Variants in PCDHA4 observed in about 807,000 individuals in gnomAD.
PCDHA4 encodes protocadherin alpha-4.
Under a neutral mutation model 61.4 loss-of-function variants are expected in PCDHA4, and 49 were observed. That is an observed-to-expected ratio of 0.80 (90% confidence interval 0.63 to 1.01). PCDHA4 has a LOEUF of 1.01. Among genes scored for constraint, PCDHA4 ranks in the 50% least tolerant of loss-of-function variants. PCDHA4 has a pLI of 0.00. For synonymous variants in PCDHA4, 590 were observed against 550.3 expected (o/e 1.07, Z -1.01); for missense variants, 1,254 against 1,235.8 (o/e 1.01, Z -0.22).
chr5:140,847,732 A>G (rs1781156684), intron 1 of PCDHA4: 1 of 149,812 alleles, frequency 6.7e-6, no homozygotes, highest in Admixed American at 6.7e-5. Flanking sequence ...AGAGAAAAAT[A>G]TATTTTCTCC....
intron 1 of PCDHA4, among the ~76,000 whole-genome samples, chr5:140,961,208 A>T (rs1268712075): frequency 1.3e-5 from 2 of 152,164 alleles, no homozygotes; most frequent in African/African-American, 4.8e-5. Flanking sequence ...GTTGGTATTG[A>T]TGAAGAAACT....
At chr5:141,006,634 A>G (rs1324728437) in intron 3 of PCDHA4, among the ~76,000 whole-genome samples, 4 of 152,220 alleles carry the variant, frequency 2.6e-5, no homozygotes, top group Non-Finnish European at 5.9e-5. Flanking sequence ...GCTGCAATTC[A>G]TATAAGAGAT....
intron 1 of PCDHA4, chr5:140,968,772 C>T (rs782257554): frequency 1.2e-6 from 2 of 1,614,180 alleles, no homozygotes; most frequent in South Asian, 1.1e-5. Context: ...GGAGAGCCAT[C>T]ACTATCAGCC....
chr5:140,894,892 G>T (rs941698896), intron 1 of PCDHA4, among the ~76,000 whole-genome samples: 8 of 152,060 alleles, frequency 5.3e-5, no homozygotes, highest in Non-Finnish European at 1.0e-4. Flanking sequence ...AACAGACCAG[G>T]ATAATTTTCC....
chr5:140,848,093 T>G, intron 1 of PCDHA4: 1 of 167,516 alleles, frequency 6.0e-6, no homozygotes, highest in South Asian at 1.6e-4. Context: ...AAGTGGAGAG[T>G]TTTCTCAGGG....
At position 140,885,311 on chromosome 5, in the gene PCDHA4, T is replaced by C. The variant is rs3776122; in HGVS notation, c.2385+75739T>C. On this transcript the variant is annotated intron_variant, in intron 1 of 3. Transcript: ENST00000530339. Reference sequence around the variant, plus strand: ...AGAGAGAGACCTGGTAGGCTTTTTGTTATTATTTCTTTTCCAAAGTTTGAA... The same window carrying C: ...AGAGAGAGACCTGGTAGGCTTTTTGCTATTATTTCTTTTCCAAAGTTTGAA... Among the ~76,000 whole-genome samples, 52 of 152,304 alleles carry C rather than the reference T, an allele frequency of 3.4e-4. No individual in the cohort carries two copies. In the East Asian group the frequency reaches 7.5e-3, roughly 22 times the overall value.
At chr5:140,883,402 C>G (rs2153393597) in intron 1 of PCDHA4, 1 of 1,614,192 alleles carries the variant, frequency 6.2e-7, no homozygotes, top group Middle Eastern at 1.6e-4. Context: ...CCGATCGTGA[C>G]TCTGGCTCAA....
In PCDHA4 at chr5:140,869,324, T is replaced by C. The variant is rs1581884799; in HGVS notation, c.2385+59752T>C. 1.9e-6 allele frequency: 3 copies of C among 1,613,876 alleles called. No individual in the cohort carries two copies. In the East Asian group the frequency reaches 6.7e-5, roughly 36 times the overall value. On this transcript the variant is annotated intron_variant, in intron 1 of 3. Coordinates refer to ENST00000530339, the MANE Select transcript of PCDHA4 (RefSeq NM_018907.4). Reference sequence around the variant, plus strand: ...GTGGCGTCCAAAACACATGGGGACCTTCTGGAGGTAAATCTGCAGAATGGC... The same window carrying C: ...GTGGCGTCCAAAACACATGGGGACCCTCTGGAGGTAAATCTGCAGAATGGC...
intron 1 of PCDHA4, among the ~76,000 whole-genome samples, chr5:140,941,263 T>TTC (rs2092992439): frequency 7.5e-6 from 1 of 133,334 alleles, no homozygotes; most frequent in Non-Finnish European, 1.6e-5. Flanking sequence ...TTCTCTTTCT[T>TTC]TCTTTCTTTC....
chr5:140,897,677 G>T (rs1390475923), intron 1 of PCDHA4, among the ~76,000 whole-genome samples: 1 of 152,168 alleles, frequency 6.6e-6, no homozygotes, highest in African/African-American at 2.4e-5. Flanking sequence ...ATAGCAGCAT[G>T]ATTTATAGTC....
chr5:140,910,324 T>C (rs2074979860), intron 1 of PCDHA4, among the ~76,000 whole-genome samples: 3 of 152,220 alleles, frequency 2.0e-5, no homozygotes, highest in Non-Finnish European at 4.4e-5. Flanking sequence ...AGTCAGACTA[T>C]TGTGATTGCT....
At chr5:140,943,321 G>C (rs1012061757) in intron 1 of PCDHA4, among the ~76,000 whole-genome samples, 3 of 150,454 alleles carry the variant, frequency 2.0e-5, no homozygotes, top group Non-Finnish European at 4.4e-5. Flanking sequence ...TAGCAATATT[G>C]TGTAGTATCC....
chr5:141,005,701 C>CAAAA (rs59860837), intron 3 of PCDHA4, among the ~76,000 whole-genome samples: 118 of 7,756 alleles, frequency 0.015, 2 homozygotes, highest in East Asian at 0.044. Flanking sequence ...AACTCCGTCT[C>CAAAA]AAAAAAAAAA....
chr5:140,858,585 T>C, intron 1 of PCDHA4: 1 of 1,345,266 alleles, frequency 7.4e-7, no homozygotes, highest in Non-Finnish European at 1.0e-6. Context: ...GTAATATAAT[T>C]TATTCCAGGA....
intron 1 of PCDHA4, among the ~76,000 whole-genome samples, chr5:140,874,847 A>AT (rs1459176801): frequency 6.6e-6 from 1 of 152,242 alleles, no homozygotes; most frequent in Non-Finnish European, 1.5e-5. Context: ...TATTAGACAT[A>AT]TTTTAGTTTC....
chr5:140,863,505 C>A, intron 1 of PCDHA4: 1 of 421,530 alleles, frequency 2.4e-6, no homozygotes. Flanking sequence ...GGCTTTTAGT[C>A]CTAGTGTTCT....
chr5:140,969,305 A>C (rs1481597194), intron 1 of PCDHA4: 1 of 1,614,206 alleles, frequency 6.2e-7, no homozygotes, highest in East Asian at 2.2e-5. Flanking sequence ...GATTATTCTC[A>C]AAAATGAGGC....
chr5:140,809,056 C>A lies in PCDHA4; in HGVS notation c.1869C>A (p.Arg623=), dbSNP rs782158159. 1.2e-6 allele frequency: 2 copies of A among 1,613,762 alleles called. No individual in the cohort carries two copies. The highest frequency in any genetic ancestry group is 1.7e-6 in the Non-Finnish European group (2 of 1,179,890). The stretch of plus-strand genomic sequence containing the variant: ...CTGGTGGCGCGCGCATCCCGTTCCG[C>A]GTGGGGCTGTACACTGGCGAGATCA... ...PGTGGARIPF[R]VGLYTGEIST... The change falls in exon 1 of 4, where the codon CGC becomes CGA. Residue 623 remains arginine (R), a synonymous_variant. Coordinates refer to ENST00000530339, the MANE Select transcript of PCDHA4 (RefSeq NM_018907.4).
At chr5:140,817,887 CA>C (rs1647110871) in intron 1 of PCDHA4, among the ~76,000 whole-genome samples, 1 of 152,074 alleles carries the variant, frequency 6.6e-6, no homozygotes, top group Non-Finnish European at 1.5e-5. Context: ...TTATTTTTGC[CA>C]GCACTTTTAA....
Sources: allele counts gnomAD v4.1 joint callset (sites outside exome capture counted in the v4.1 genomes callset), GRCh38; gene constraint gnomAD v4.1.1; transcripts MANE v1.5; gene names NCBI Gene and HGNC (gene_info 2026-07-23, HGNC 2026-07-21).